COPG2: variants seen among roughly 807,000 people sequenced by gnomAD.
COPG2 encodes coat protein complex I subunit gamma 2.
Under a neutral mutation model 46.3 loss-of-function variants are expected in COPG2, and 37 were observed. The ratio of observed to expected loss-of-function variants is 0.80; its 90% CI spans 0.61 to 1.05. The LOEUF (loss-of-function observed/expected upper bound fraction) is 1.05, where lower values mean the gene tolerates loss of function less well. Among genes scored for constraint, COPG2 ranks in the 50% least tolerant of loss-of-function variants. The pLI is 0.00. For synonymous variants in COPG2, 159 were observed against 129.7 expected (o/e 1.23, Z -1.53); for missense variants, 427 against 387.8 (o/e 1.10, Z -0.85).
rs1264573056 is a variant in COPG2 at position 130,643,461 on chromosome 7, A to ATTT, written c.323+9405_323+9407dup. Reference sequence around the variant, plus strand: ...ATGCAGTCATTTTTACATTATTATTATTTTTTTAAGGAGCCAGGAGTAGAT... The same window carrying ATTT: ...ATGCAGTCATTTTTACATTATTATTATTTTTTTTTTAAGGAGCCAGGAGTAGAT... On this transcript the variant is annotated intron_variant, in intron 5 of 23. Coordinates refer to ENST00000425248, the MANE Select transcript of COPG2 (RefSeq NM_012133.6). Among the ~76,000 whole-genome samples, 8 of 152,190 alleles carry ATTT rather than the reference A, an allele frequency of 5.3e-5. No homozygotes were observed. The East Asian group carries it at 9.6e-4, about 18-fold the overall frequency.
At chr7:130,643,063 G>A (rs1205901030) in intron 5 of COPG2, among the ~76,000 whole-genome samples, 1 of 151,776 alleles carries the variant, frequency 6.6e-6, no homozygotes, top group East Asian at 1.9e-4. Context: ...TTGGGAGGCC[G>A]AGGCGGGCGG....
At chr7:130,602,230 T>G (rs1313126186) in intron 9 of COPG2, among the ~76,000 whole-genome samples, 1 of 152,218 alleles carries the variant, frequency 6.6e-6, no homozygotes, top group African/African-American at 2.4e-5. Context: ...TCCTGTTGTC[T>G]ATTTGAAGGC....
chr7:130,568,765 T>C (rs1793846582), intron 9 of COPG2, among the ~76,000 whole-genome samples: 1 of 152,196 alleles, frequency 6.6e-6, no homozygotes, highest in Non-Finnish European at 1.5e-5. Flanking sequence ...ATACATTCTA[T>C]TCATCAGCAC....
rs370888969 is a variant in COPG2, at chr7:130,655,182, T to C, written c.244-2234A>G. Among the ~76,000 whole-genome samples, 44 of 152,318 alleles carry C rather than the reference T, an allele frequency of 2.9e-4. 1 individual carries two copies. The East Asian group carries it at 5.2e-3, about 18-fold the overall frequency. ...GATGCTGCACATTGTGAAGTTTATT[T>C]TGGTGTATGATCTTAAATAGTATTG... On this transcript the variant is annotated intron_variant, in intron 4 of 23. Transcript: ENST00000425248.
At chr7:130,577,313 G>A (rs910995601) in intron 9 of COPG2, among the ~76,000 whole-genome samples, 3 of 152,256 alleles carry the variant, frequency 2.0e-5, no homozygotes, top group African/African-American at 7.2e-5. Flanking sequence ...GTGGGTGCAC[G>A]CACCGTGCGC....
At chr7:130,637,953 G>A (rs887602320) in intron 5 of COPG2, among the ~76,000 whole-genome samples, 1 of 152,162 alleles carries the variant, frequency 6.6e-6, no homozygotes, top group Non-Finnish European at 1.5e-5. Flanking sequence ...CTTTCTGTTT[G>A]TTAGTTTTCC....
At chr7:130,603,833 G>A in intron 9 of COPG2, 1 of 518,782 alleles carries the variant, frequency 1.9e-6, no homozygotes, top group South Asian at 1.4e-5. Context: ...CAACCCCCAT[G>A]TAGCTGCAAA....
At chr7:130,590,937 C>CGGCA (rs1350448801) in intron 9 of COPG2, among the ~76,000 whole-genome samples, 1 of 147,622 alleles carries the variant, frequency 6.8e-6, no homozygotes, top group Non-Finnish European at 1.5e-5. Context: ...CCCCTCTGCC[C>CGGCA]GGCAGCCACA....
chr7:130,607,213 G>A (rs1428842221), intron 9 of COPG2, among the ~76,000 whole-genome samples: 1 of 151,204 alleles, frequency 6.6e-6, no homozygotes, highest in Non-Finnish European at 1.5e-5. Context: ...TGCAGTCCAG[G>A]CTTCACAACA....
chr7:130,630,837 A>G (rs1554455059), intron 5 of COPG2, among the ~76,000 whole-genome samples: 1 of 152,106 alleles, frequency 6.6e-6, no homozygotes, highest in Admixed American at 6.5e-5. Flanking sequence ...TTTATATTTA[A>G]GGTATGTTTT....
At chr7:130,575,407 TCAAA>T (rs1213451818) in intron 9 of COPG2, among the ~76,000 whole-genome samples, 2 of 152,146 alleles carry the variant, frequency 1.3e-5, no homozygotes, top group African/African-American at 4.8e-5. Context: ...TTCAGTCTCC[TCAAA>T]CAAGACAATT....
intron 5 of COPG2, among the ~76,000 whole-genome samples, chr7:130,635,859 C>G (rs1408584528): frequency 1.3e-5 from 2 of 152,170 alleles, no homozygotes; most frequent in Non-Finnish European, 2.9e-5. Context: ...AAATTTCCCT[C>G]TAAACACTGC....
At position 130,528,181 on chromosome 7, in the gene COPG2, C is replaced by A. The variant is rs1187584179; in HGVS notation, c.2149+19493G>T. On this transcript the variant is annotated intron_variant, in intron 20 of 23. Coordinates refer to ENST00000425248, the MANE Select transcript of COPG2 (RefSeq NM_012133.6). ...GGTTGAGACTGGGTGCGTTTGTACC[C>A]GTGGGATGTGGGGGAAGAGGGTGGG... Among the ~76,000 whole-genome samples, 14 of 151,706 alleles carry A rather than the reference C, an allele frequency of 9.2e-5. No individual in the cohort carries two copies. In the East Asian group the frequency reaches 2.7e-3, roughly 29 times the overall value.
chr7:130,522,621 G>A lies in COPG2; in HGVS notation c.2150-13962C>T, dbSNP rs1248305295. Reference sequence around the variant, plus strand: ...GAGAAACGAGGCATGGGAAGAATGGGGTGGAAGGATGCCAGAGGAAGAAAA... The same window carrying A: ...GAGAAACGAGGCATGGGAAGAATGGAGTGGAAGGATGCCAGAGGAAGAAAA... On this transcript the variant is annotated intron_variant, in intron 20 of 23. Coordinates refer to ENST00000425248, the MANE Select transcript of COPG2 (RefSeq NM_012133.6). 2.6e-5 allele frequency among the ~76,000 whole-genome samples: 4 copies of A among 152,064 alleles called. No homozygotes were observed. The East Asian group carries it at 5.8e-4, about 22-fold the overall frequency.
At chr7:130,631,899 A>C (rs1279440100) in intron 5 of COPG2, among the ~76,000 whole-genome samples, 1 of 152,200 alleles carries the variant, frequency 6.6e-6, no homozygotes, top group Admixed American at 6.5e-5. Context: ...AATCCCTTTT[A>C]TAATTAATGT....
chr7:130,589,689 T>G (rs1794358270), intron 9 of COPG2, among the ~76,000 whole-genome samples: 1 of 152,214 alleles, frequency 6.6e-6, no homozygotes, highest in African/African-American at 2.4e-5. Flanking sequence ...TAGCCAACAC[T>G]AGATACTACA....
intron 12 of COPG2, among the ~76,000 whole-genome samples, chr7:130,560,128 AATG>A (rs1793694810): frequency 6.6e-6 from 1 of 152,178 alleles, no homozygotes; most frequent in Non-Finnish European, 1.5e-5. Flanking sequence ...GAATACGTAT[AATG>A]ATGACTAGAA....
At chr7:130,510,963 G>T in intron 20 of COPG2, 1 of 520,066 alleles carries the variant, frequency 1.9e-6, no homozygotes, top group South Asian at 1.4e-5. Context: ...ATGCCCTGAA[G>T]ATCTGCATTA....
intron 9 of COPG2, among the ~76,000 whole-genome samples, chr7:130,575,082 C>T (rs1480739883): frequency 2.0e-5 from 3 of 152,014 alleles, no homozygotes; most frequent in African/African-American, 4.8e-5. Flanking sequence ...TAAGAATAAT[C>T]GATGTTCCTA....
Sources: allele counts gnomAD v4.1 joint callset (sites outside exome capture counted in the v4.1 genomes callset), GRCh38; gene constraint gnomAD v4.1.1; transcripts MANE v1.5; gene names NCBI Gene and HGNC (gene_info 2026-07-23, HGNC 2026-07-21).